QTMAN: variants seen among roughly 807,000 people sequenced by gnomAD.
The protein encoded by QTMAN is tRNA-queuosine alpha-mannosyltransferase.
At chr2:144,222,214 C>T in the QTMAN span, among the ~76,000 whole-genome samples, 1 of 151,792 alleles carries the variant, frequency 6.6e-6, no homozygotes, top group Non-Finnish European at 1.5e-5. Flanking sequence ...CGCCCGCCAC[C>T]ACGCCCGGCT....
the QTMAN span, among the ~76,000 whole-genome samples, chr2:144,323,617 T>C: frequency 6.6e-6 from 1 of 152,178 alleles, no homozygotes; most frequent in East Asian, 1.9e-4. Context: ...CCCTAGGGAT[T>C]TGTACGCCAC....
the QTMAN span, among the ~76,000 whole-genome samples, chr2:144,302,873 G>A: frequency 1.3e-5 from 2 of 152,154 alleles, no homozygotes; most frequent in African/African-American, 2.4e-5. Flanking sequence ...GGCCGAGGCG[G>A]GGGGGATCAC....
chr2:144,270,919 G>A, the QTMAN span, among the ~76,000 whole-genome samples: 1 of 152,214 alleles, frequency 6.6e-6, no homozygotes, highest in African/African-American at 2.4e-5. Context: ...AAAAGATCTG[G>A]TAGGAAAGAG....
the QTMAN span, chr2:143,941,669 T>A: frequency 5.5e-5 from 8 of 144,436 alleles, no homozygotes; most frequent in African/African-American, 1.9e-4. Flanking sequence ...AGCCAGACTC[T>A]CTCTCTCAAA....
the QTMAN span, among the ~76,000 whole-genome samples, chr2:144,139,285 A>T: frequency 6.6e-6 from 1 of 152,092 alleles, no homozygotes; most frequent in South Asian, 2.1e-4. Flanking sequence ...CAGAGGGAAG[A>T]TAGTCCTCTA....
At chr2:144,298,426 G>A in the QTMAN span, among the ~76,000 whole-genome samples, 4 of 152,174 alleles carry the variant, frequency 2.6e-5, no homozygotes, top group Non-Finnish European at 2.9e-5. Context: ...AATATATACC[G>A]TGGCTAAATG....
the QTMAN span, among the ~76,000 whole-genome samples, chr2:144,312,502 A>G: frequency 6.6e-6 from 1 of 152,150 alleles, no homozygotes; most frequent in African/African-American, 2.4e-5. Context: ...AGATGGACAC[A>G]TGCAGACTCC....
the QTMAN span, among the ~76,000 whole-genome samples, chr2:144,177,726 T>C: frequency 1.3e-5 from 2 of 152,176 alleles, no homozygotes; most frequent in South Asian, 2.1e-4. Flanking sequence ...GTTCCATATA[T>C]GTCATAGCTT....
chr2:144,306,540 CCCTCATGA>C, the QTMAN span, among the ~76,000 whole-genome samples: 3 of 152,182 alleles, frequency 2.0e-5, no homozygotes, highest in African/African-American at 7.2e-5. Flanking sequence ...GAGGGCCCCA[CCCTCATGA>C]CCTCACCTAA....
chr2:144,098,947 C>T, the QTMAN span, among the ~76,000 whole-genome samples: 2 of 151,630 alleles, frequency 1.3e-5, no homozygotes, highest in African/African-American at 4.9e-5. Context: ...TTACACATTG[C>T]TTGCTCCCTA....
chr2:144,151,283 T>C, the QTMAN span, among the ~76,000 whole-genome samples: 2 of 152,180 alleles, frequency 1.3e-5, no homozygotes, highest in Non-Finnish European at 2.9e-5. Context: ...CGCTTCATGA[T>C]ATGGTAAGTC....
the QTMAN span, among the ~76,000 whole-genome samples, chr2:143,994,753 C>T: frequency 5.3e-5 from 8 of 152,214 alleles, no homozygotes; most frequent in African/African-American, 1.9e-4. Flanking sequence ...AGGGTTTGAC[C>T]TTAATAGGGC....
At chr2:144,320,433 T>C in the QTMAN span, among the ~76,000 whole-genome samples, 1 of 152,136 alleles carries the variant, frequency 6.6e-6, no homozygotes, top group East Asian at 1.9e-4. Context: ...AACTAACAAG[T>C]ATTTGTTTGG....
chr2:144,155,115 T>C, the QTMAN span, among the ~76,000 whole-genome samples: 1 of 152,126 alleles, frequency 6.6e-6, no homozygotes, highest in African/African-American at 2.4e-5. Context: ...TTCTATGATG[T>C]GTTATTTGAT....
the QTMAN span, among the ~76,000 whole-genome samples, chr2:144,155,256 T>TGTCA: frequency 6.6e-6 from 1 of 152,188 alleles, no homozygotes; most frequent in African/African-American, 2.4e-5. Flanking sequence ...GAAAGGTAGA[T>TGTCA]GTCAACCTGG....
the QTMAN span, among the ~76,000 whole-genome samples, chr2:144,031,551 T>A: frequency 6.6e-6 from 1 of 151,976 alleles, no homozygotes; most frequent in African/African-American, 2.4e-5. Flanking sequence ...GATACAATCA[T>A]AAAACCTGAA....
chr2:144,231,891 TG>T, the QTMAN span, among the ~76,000 whole-genome samples: 1 of 144,628 alleles, frequency 6.9e-6, no homozygotes, highest in Non-Finnish European at 1.5e-5. Context: ...TGTGTGTGTG[TG>T]TTATCTTTAC....
the QTMAN span, among the ~76,000 whole-genome samples, chr2:144,249,737 A>T: frequency 6.6e-6 from 1 of 152,222 alleles, no homozygotes. Flanking sequence ...ATCCAGATTT[A>T]AATTATTACA....
the QTMAN span, among the ~76,000 whole-genome samples, chr2:144,154,796 T>C: frequency 6.6e-6 from 1 of 152,232 alleles, no homozygotes; most frequent in African/African-American, 2.4e-5. Flanking sequence ...TTTAGTATCC[T>C]AGAGTTTTCC....
Sources: gnomAD v4.1 joint callset for allele counts (sites outside exome capture counted in the v4.1 genomes callset) on GRCh38, gnomAD v4.1.1 for gene constraint, MANE v1.5 for transcripts, NCBI Gene and HGNC (gene_info 2026-07-23, HGNC 2026-07-21) for gene names.